The following GALNTL6 variants were observed in gnomAD, a reference collection of about 807,000 sequenced individuals.
GALNTL6 encodes polypeptide N-acetylgalactosaminyltransferase like 6.
In GALNTL6, 46 loss-of-function variants were observed where a neutral mutation model predicts 73.7. The ratio of observed to expected loss-of-function variants is 0.62; its 90% CI spans 0.49 to 0.80. GALNTL6 has a LOEUF of 0.80. Ranked by LOEUF, GALNTL6 falls within the 30% of genes least tolerant of loss-of-function variation. The pLI, the probability that GALNTL6 is intolerant of heterozygous loss-of-function variation, is 0.00. For synonymous variants in GALNTL6, 259 were observed against 263.7 expected (o/e 0.98, Z 0.17); for missense variants, 604 against 755.0 (o/e 0.80, Z 2.34).
chr4:172,608,827 T>C (rs966489189), intron 5 of GALNTL6, among the ~76,000 whole-genome samples: 3 of 152,212 alleles, frequency 2.0e-5, no homozygotes, highest in African/African-American at 7.2e-5. Context: ...TAATTCTTGC[T>C]GTAGAAATCT....
chr4:172,694,097 G>A (rs534160724), intron 5 of GALNTL6, among the ~76,000 whole-genome samples: 4 of 151,890 alleles, frequency 2.6e-5, no homozygotes, highest in Non-Finnish European at 4.4e-5. Context: ...GTCAGAGAAG[G>A]TGTATCAGTA....
At chr4:172,730,044 C>T (rs1451589189) in intron 5 of GALNTL6, among the ~76,000 whole-genome samples, 1 of 151,998 alleles carries the variant, frequency 6.6e-6, no homozygotes, top group Non-Finnish European at 1.5e-5. Context: ...TTTGCTGTTG[C>T]CATATATAAA....
chr4:171,917,214 CCCTTATTCCAGACA>C (rs1255534170), intron 2 of GALNTL6, among the ~76,000 whole-genome samples: 1 of 151,930 alleles, frequency 6.6e-6, no homozygotes, highest in East Asian at 1.9e-4. Flanking sequence ...ATATGTTTCA[CCCTTATTCCAGACA>C]TATCTATTGT....
At chr4:172,856,874 G>T (rs1217671279) in intron 7 of GALNTL6, among the ~76,000 whole-genome samples, 1 of 152,142 alleles carries the variant, frequency 6.6e-6, no homozygotes, top group Non-Finnish European at 1.5e-5. Flanking sequence ...ACAGTTAAGT[G>T]CCTGACTCCC....
chr4:172,731,814 T>C (rs1253406351), intron 5 of GALNTL6, among the ~76,000 whole-genome samples: 1 of 152,188 alleles, frequency 6.6e-6, no homozygotes, highest in Non-Finnish European at 1.5e-5. Flanking sequence ...TTCAAAAACA[T>C]GGTTTTTTAA....
intron 2 of GALNTL6, among the ~76,000 whole-genome samples, chr4:172,115,554 C>A (rs1050679075): frequency 6.6e-6 from 1 of 152,002 alleles, no homozygotes; most frequent in Non-Finnish European, 1.5e-5. Context: ...TAATAAGAAA[C>A]TAATGATGTA....
At chr4:172,981,691 A>G (rs1213646768) in intron 10 of GALNTL6, among the ~76,000 whole-genome samples, 1 of 151,526 alleles carries the variant, frequency 6.6e-6, no homozygotes, top group East Asian at 1.9e-4. Context: ...GTCCCTTGAG[A>G]TTCCATAGGA....
In GALNTL6 at chr4:172,952,246, T is replaced by A; in HGVS notation, c.1359T>A (p.Ala453=). The A allele has an allele frequency of 6.2e-7, 1 of 1,613,498 alleles. No homozygotes were observed. The highest frequency in any genetic ancestry group is 1.1e-5 in the South Asian group (1 of 91,054). ...KYYPPVEPPP[A]AWGEIRNVAA... ...ACCCTCCAGTGGAGCCCCCGCCTGC[T>A]GCCTGGGGGGAGGTGAGGAAAGGTT... Residue 453 remains alanine (A), a synonymous_variant, in exon 10 of 13, where the codon GCT becomes GCA. Transcript: ENST00000506823.
intron 5 of GALNTL6, among the ~76,000 whole-genome samples, chr4:172,458,033 G>A (rs922800540): frequency 6.6e-6 from 1 of 152,070 alleles, no homozygotes; most frequent in East Asian, 1.9e-4. Flanking sequence ...TCAGACCACA[G>A]TGCAATCAAA....
chr4:173,005,045 G>T (rs17052123), intron 10 of GALNTL6, among the ~76,000 whole-genome samples: 12,132 of 152,070 alleles, frequency 0.08, 934 homozygotes, highest in African/African-American at 0.2. Flanking sequence ...TGACATTTAT[G>T]CCACATTCCC....
At chr4:172,566,813 C>T (rs1026281262) in intron 5 of GALNTL6, among the ~76,000 whole-genome samples, 1 of 151,684 alleles carries the variant, frequency 6.6e-6, no homozygotes, top group African/African-American at 2.4e-5. Flanking sequence ...CAAATAAAAT[C>T]GTAAATGACA....
chr4:172,704,701 A>G (rs1734222078), intron 5 of GALNTL6, among the ~76,000 whole-genome samples: 1 of 152,032 alleles, frequency 6.6e-6, no homozygotes, highest in Non-Finnish European at 1.5e-5. Flanking sequence ...AACGTTGGTT[A>G]GGTTCATTTG....
intron 5 of GALNTL6, among the ~76,000 whole-genome samples, chr4:172,467,081 G>A (rs1377578664): frequency 6.6e-6 from 1 of 152,022 alleles, no homozygotes; most frequent in Non-Finnish European, 1.5e-5. Flanking sequence ...TCAACTCTTA[G>A]GGCATAGAAA....
At chr4:172,692,171 T>A (rs1296739976) in intron 5 of GALNTL6, among the ~76,000 whole-genome samples, 2 of 152,128 alleles carry the variant, frequency 1.3e-5, no homozygotes, top group South Asian at 4.1e-4. Flanking sequence ...CTCTTTGATG[T>A]GCATCTGCTT....
chr4:172,712,106 G>A (rs1270174483), intron 5 of GALNTL6, among the ~76,000 whole-genome samples: 1 of 152,142 alleles, frequency 6.6e-6, no homozygotes, highest in Non-Finnish European at 1.5e-5. Flanking sequence ...AGGGTTGGGT[G>A]TGTTTGTGTT....
intron 7 of GALNTL6, among the ~76,000 whole-genome samples, chr4:172,839,483 T>A (rs532600576): frequency 1.3e-5 from 2 of 152,302 alleles, no homozygotes; most frequent in Non-Finnish European, 2.9e-5. Flanking sequence ...CATTATAAAG[T>A]CATGGCCACA....
intron 2 of GALNTL6, among the ~76,000 whole-genome samples, chr4:172,086,488 T>G (rs1445934021): frequency 6.6e-6 from 1 of 152,210 alleles, no homozygotes; most frequent in Non-Finnish European, 1.5e-5. Context: ...AATTATTTTA[T>G]TGTTATAAAC....
chr4:172,945,365 T>TA (rs1749116346), intron 9 of GALNTL6, among the ~76,000 whole-genome samples: 1 of 152,218 alleles, frequency 6.6e-6, no homozygotes, highest in African/African-American at 2.4e-5. Flanking sequence ...GTGTTGATGA[T>TA]TCCACTAATA....
intron 9 of GALNTL6, among the ~76,000 whole-genome samples, chr4:172,941,976 G>T (rs942850466): frequency 1.3e-5 from 2 of 152,092 alleles, no homozygotes; most frequent in African/African-American, 4.8e-5. Flanking sequence ...TGTTTCTGAT[G>T]GTTTATTAGT....
Sources: gnomAD v4.1 joint callset for allele counts (sites outside exome capture counted in the v4.1 genomes callset) on GRCh38, gnomAD v4.1.1 for gene constraint, MANE v1.5 for transcripts, NCBI Gene and HGNC (gene_info 2026-07-23, HGNC 2026-07-21) for gene names.